INSR: variants seen among roughly 807,000 people sequenced by gnomAD.
The protein encoded by INSR is IR.
A neutral mutation model predicts 142.6 loss-of-function variants in INSR; 67 were observed. That is an observed-to-expected ratio of 0.47 (90% CI 0.39 to 0.58). The LOEUF (loss-of-function observed/expected upper bound fraction) is 0.58, where lower values mean the gene tolerates loss of function less well. Ranked by LOEUF, INSR falls within the 20% of genes least tolerant of loss-of-function variation. The pLI, the probability that INSR is intolerant of heterozygous loss-of-function variation, is 0.00. For missense variants in INSR, 1,248 were observed against 1,833.2 expected, an observed-to-expected ratio of 0.68 and a Z score of 5.83; for synonymous variants, 756 against 743.1, an observed-to-expected ratio of 1.02 and a Z score of -0.28.
rs986556894 is a variant in INSR at position 7,166,638 on chromosome 19, G to A, written c.1611-234C>T. Among the ~76,000 whole-genome samples the A allele has an allele frequency of 2.0e-5, 3 of 152,150 alleles. No homozygotes were observed. Among genetic ancestry groups the A allele is most frequent in the African/African-American group, 7.2e-5 (3 of 41,452 alleles). On this transcript the variant is annotated intron_variant, in intron 7 of 21. Transcript: ENST00000302850. This position sits in a 1 kb window ranked among gnomAD's most constrained non-coding sequence, Gnocchi z 4.1. Reference sequence around the variant, plus strand: ...CCCTTATTCAAAACACTTGAGACTTGGCCAAGTGCAGTGGCTCACGCCTGT... The same window carrying A: ...CCCTTATTCAAAACACTTGAGACTTAGCCAAGTGCAGTGGCTCACGCCTGT...
chr19:7,163,645 C>T (rs1429537669), intron 8 of INSR, among the ~76,000 whole-genome samples: 1 of 151,548 alleles, frequency 6.6e-6, no homozygotes, highest in African/African-American at 2.4e-5. Context: ...CGGAGGTGGC[C>T]GAGGGAGCTG....
intron 1 of INSR, among the ~76,000 whole-genome samples, chr19:7,283,535 G>A (rs529081714): frequency 2.6e-5 from 4 of 152,208 alleles, no homozygotes; most frequent in Non-Finnish European, 4.4e-5. Context: ...TGCCTCCCGG[G>A]TTCCAGCAAT....
Position 7,114,019 on chromosome 19 carries a change from C to A in INSR, c.*3037G>T, listed in dbSNP as rs1444547053. ...AATATCAGCTTGAGGTCAGTCAAAC[C>A]CCAACACAGAGGTCCAAGGTGTTGT... is the stretch of plus-strand genomic sequence containing the variant. On this transcript the variant is annotated 3_prime_UTR_variant, in exon 22 of 22. Transcript: ENST00000302850. 6.8e-6 allele frequency: 1 copy of A among 146,460 alleles called. No individual in the cohort carries two copies. Among genetic ancestry groups the A allele is most frequent in the African/African-American group, 2.6e-5 (1 of 39,146 alleles). The allele number at this position is 146,460 out of a possible 1,614,324, so 9.1% of individuals were successfully genotyped here.
intron 2 of INSR, among the ~76,000 whole-genome samples, chr19:7,250,700 A>G (rs1480245859): frequency 6.6e-6 from 1 of 152,054 alleles, no homozygotes; most frequent in Admixed American, 6.6e-5. Context: ...AAAAAGAAAA[A>G]AAATCAAAGA....
rs1972252834 is a variant in INSR, at chr19:7,113,500, CAG to C, written c.*3554_*3555del. 1 of 152,158 alleles carries C rather than the reference CAG, an allele frequency of 6.6e-6. No homozygotes were observed. Among genetic ancestry groups the C allele is most frequent in the South Asian group, 2.1e-4 (1 of 4,822 alleles). The allele number at this position is 152,158 out of a possible 1,614,324, so 9.4% of individuals were successfully genotyped here. ...TGATGCGTATTTGACATCACTGATG[CAG>C]AGAGAAAGTGATGTGCTTGGTATTC... On this transcript the variant is annotated 3_prime_UTR_variant, in exon 22 of 22. Coordinates refer to ENST00000302850, the MANE Select transcript of INSR (RefSeq NM_000208.4).
intron 6 of INSR, among the ~76,000 whole-genome samples, chr19:7,169,248 A>C (rs1368622430): frequency 6.6e-6 from 1 of 151,984 alleles, no homozygotes; most frequent in Non-Finnish European, 1.5e-5. Context: ...CTCTCTGTTC[A>C]CAGAGGTCAG....
chr19:7,230,564 TGG>T (rs1353212880), intron 2 of INSR, among the ~76,000 whole-genome samples: 1 of 152,172 alleles, frequency 6.6e-6, no homozygotes, highest in Non-Finnish European at 1.5e-5. Context: ...CCCAGCACTT[TGG>T]GAGGCCAAGG....
At chr19:7,162,889 AT>A in intron 9 of INSR, 142 bp downstream of exon 9, 1 of 722,478 alleles carries the variant, frequency 1.4e-6, no homozygotes, top group East Asian at 2.6e-5. Flanking sequence ...GTGTTTTCAT[AT>A]GAGATAGAAT....
intron 2 of INSR, among the ~76,000 whole-genome samples, chr19:7,230,751 T>C (rs1975944624): frequency 7.1e-6 from 1 of 139,932 alleles, no homozygotes; most frequent in Non-Finnish European, 1.5e-5. Flanking sequence ...GAGATTGCAG[T>C]GGACTGAGAT....
intron 2 of INSR, among the ~76,000 whole-genome samples, chr19:7,207,735 C>A (rs1975143808): frequency 6.6e-6 from 1 of 151,874 alleles, no homozygotes; most frequent in South Asian, 2.1e-4. Flanking sequence ...CAAGCCTGGG[C>A]AATATAGCAA....
Position 7,148,951 on chromosome 19 carries a change from C to T in INSR, c.2267+1546G>A, listed in dbSNP as rs147929943. On this transcript the variant is annotated intron_variant, in intron 11 of 21. Transcript: ENST00000302850. ...CTGGGACTACAGGCGTGTGTCACCACGCCCGGCTAATTTTTATGTTTCTTG... is the reference window on the plus strand; with the variant it reads ...CTGGGACTACAGGCGTGTGTCACCATGCCCGGCTAATTTTTATGTTTCTTG... Among the ~76,000 whole-genome samples, 977 of 140,438 alleles carry T rather than the reference C, an allele frequency of 7.0e-3. 5 individuals are homozygous for T. The highest frequency in any genetic ancestry group is 0.049 in the East Asian group (227 of 4,660). 92.1% of individuals were successfully genotyped at this position (140,438 alleles called of 152,430 possible).
intron 2 of INSR, among the ~76,000 whole-genome samples, chr19:7,213,998 A>G (rs909912449): frequency 1.1e-4 from 16 of 152,160 alleles, no homozygotes; most frequent in African/African-American, 3.9e-4. Flanking sequence ...TCAAAAAAAA[A>G]AAGGAAATGG....
At chr19:7,143,128 C>G (rs764156080) in intron 11 of INSR, 38 bp from the exon 12 acceptor site, 28 of 1,610,210 alleles carry the variant, frequency 1.7e-5, no homozygotes, top group Non-Finnish European at 2.4e-5. Flanking sequence ...GACACCATCA[C>G]CATCATTTTT....
chr19:7,184,536 A>G lies in INSR; in HGVS notation c.754T>C (p.Cys252Arg). The change falls in exon 3 of 22, where the codon TGC becomes CGC. Residue 252 changes from cysteine to arginine, a missense_variant. This residue lies in a region of INSR where 1,069 missense variants were observed against 1,654.0 expected (regional missense o/e 0.65). Coordinates refer to ENST00000302850, the MANE Select transcript of INSR (RefSeq NM_000208.4). Reference protein sequence around the residue: ...NCSQPDDPTKCVACRNFYLDG... With the variant: ...NCSQPDDPTKRVACRNFYLDG... Reference sequence around the variant, plus strand: ...AGGTAGAAGTTGCGGCAGGCCACGCACTTGGTGGGGTCGTCGGGCTGAGAA... The same window carrying G: ...AGGTAGAAGTTGCGGCAGGCCACGCGCTTGGTGGGGTCGTCGGGCTGAGAA... The G allele has an allele frequency of 6.2e-7, 1 of 1,613,824 alleles. No individual in the cohort carries two copies. Among genetic ancestry groups the G allele is most frequent in the East Asian group, 2.2e-5 (1 of 44,872 alleles).
At chr19:7,286,976 A>G (rs2145249804) in intron 1 of INSR, among the ~76,000 whole-genome samples, 1 of 151,804 alleles carries the variant, frequency 6.6e-6, no homozygotes, top group East Asian at 1.9e-4. Flanking sequence ...CCTCCCAAGT[A>G]GCTGGGACTA....
chr19:7,120,182 T>C (rs188446566), intron 20 of INSR, among the ~76,000 whole-genome samples: 2 of 152,328 alleles, frequency 1.3e-5, no homozygotes, highest in Admixed American at 1.3e-4. Flanking sequence ...CATTTGTCTC[T>C]TATCTACCTA....
intron 16 of INSR, among the ~76,000 whole-genome samples, chr19:7,126,176 T>G (rs975250986): frequency 2.6e-5 from 4 of 152,126 alleles, no homozygotes; most frequent in African/African-American, 9.7e-5. Flanking sequence ...CTCCCCCAGC[T>G]TAGGGCCCCC....
chr19:7,153,385 C>G, intron 9 of INSR, among the ~76,000 whole-genome samples: 1 of 2,164 alleles, frequency 4.6e-4, no homozygotes, highest in Non-Finnish European at 1.4e-3. Context: ...ACCATACACG[C>G]ACCACACACA....
chr19:7,178,717 T>G (rs897788309), intron 3 of INSR, among the ~76,000 whole-genome samples: 6 of 150,816 alleles, frequency 4.0e-5, no homozygotes, highest in African/African-American at 1.2e-4. Context: ...AGACTCCGTC[T>G]CAAAACAAAC....
Sources: gnomAD v4.1 joint callset for allele counts (sites outside exome capture counted in the v4.1 genomes callset) on GRCh38, gnomAD v4.1.1 for gene constraint, gnomAD v4.1.1 regional missense constraint, Gnocchi (gnomAD v3.1) non-coding constraint, MANE v1.5 for transcripts, NCBI Gene and HGNC (gene_info 2026-07-23, HGNC 2026-07-21) for gene names.